NCK2: variants seen among roughly 807,000 people sequenced by gnomAD.
NCK2 encodes NCK adaptor protein 2.
A neutral mutation model predicts 33.9 loss-of-function variants in NCK2; 16 were observed. The observed-to-expected ratio is 0.47, with a 90% confidence interval of 0.32 to 0.72. NCK2 has a LOEUF of 0.72. NCK2 is among the 30% of genes least tolerant of loss of function. The pLI is 0.03. For synonymous variants in NCK2, 273 were observed against 239.9 expected (o/e 1.14, Z -1.27); for missense variants, 418 against 537.3 (o/e 0.78, Z 2.19).
At chr2:105,810,837 A>G (rs1675267535) in intron 1 of NCK2, among the ~76,000 whole-genome samples, 1 of 152,208 alleles carries the variant, frequency 6.6e-6, no homozygotes, top group South Asian at 2.1e-4. Flanking sequence ...TATATGTTAG[A>G]ATTTTTAGGC....
intron 2 of NCK2, among the ~76,000 whole-genome samples, chr2:105,818,936 C>A (rs1033013599): frequency 1.3e-5 from 2 of 152,058 alleles, no homozygotes; most frequent in African/African-American, 4.8e-5. Flanking sequence ...AGTTATGCCC[C>A]TTTGATGTGT....
chr2:105,849,240 A>G (rs147915352), intron 2 of NCK2, among the ~76,000 whole-genome samples: 8 of 152,308 alleles, frequency 5.3e-5, no homozygotes, highest in Admixed American at 2.0e-4. Flanking sequence ...ACAAAAAGTA[A>G]AAAACTAGCA....
intron 1 of NCK2, among the ~76,000 whole-genome samples, chr2:105,794,875 C>A (rs973711217): frequency 6.6e-6 from 1 of 152,050 alleles, no homozygotes; most frequent in Non-Finnish European, 1.5e-5. Flanking sequence ...GGTTCCGCAG[C>A]CAAAGATGGT....
At chr2:105,764,438 C>T (rs1027248523) in intron 1 of NCK2, among the ~76,000 whole-genome samples, 5 of 152,262 alleles carry the variant, frequency 3.3e-5, no homozygotes, top group African/African-American at 1.2e-4. Flanking sequence ...CTGCAGCCTG[C>T]TCTGCTTCGA....
chr2:105,811,146 G>C (rs1675280543), intron 1 of NCK2, among the ~76,000 whole-genome samples: 1 of 138,620 alleles, frequency 7.2e-6, no homozygotes. Context: ...CTGCACTCCA[G>C]CCTGGTGACA....
intron 4 of NCK2, among the ~76,000 whole-genome samples, chr2:105,884,423 G>A (rs892403299): frequency 1.3e-5 from 2 of 152,154 alleles, no homozygotes; most frequent in Non-Finnish European, 2.9e-5. Flanking sequence ...CTCCCTGCAG[G>A]ACTCAGTCAG....
At chr2:105,860,560 G>A (rs1199197758) in intron 3 of NCK2, among the ~76,000 whole-genome samples, 2 of 152,260 alleles carry the variant, frequency 1.3e-5, no homozygotes, top group South Asian at 2.1e-4. Context: ...CATGTAGTCA[G>A]AACCGCATGG....
chr2:105,817,285 A>G (rs1333481093), intron 2 of NCK2, among the ~76,000 whole-genome samples: 3 of 152,184 alleles, frequency 2.0e-5, no homozygotes, highest in Admixed American at 2.0e-4. Flanking sequence ...CAATAAAATC[A>G]TAACTGTGAT....
rs930794085 is a variant in NCK2, at chr2:105,748,570, T to TTTTTTA, written c.-201+3455_-201+3460dup. Among the ~76,000 whole-genome samples, 314 of 152,066 alleles carry TTTTTTA rather than the reference T, an allele frequency of 2.1e-3. 1 individual carries two copies. The highest frequency in any genetic ancestry group is 5.5e-3 in the African/African-American group (226 of 41,452). The stretch of plus-strand genomic sequence containing the variant: ...GTGTGCACCACCATGCTCAGTGAAT[T>TTTTTTA]TTTTTATTTTTATTTTTATTTTTAT... On this transcript the variant is annotated intron_variant, in intron 1 of 4. Coordinates refer to ENST00000233154, the MANE Select transcript of NCK2 (RefSeq NM_003581.5).
At chr2:105,859,840 G>A (rs1431700158) in intron 3 of NCK2, among the ~76,000 whole-genome samples, 1 of 152,246 alleles carries the variant, frequency 6.6e-6, no homozygotes, top group Non-Finnish European at 1.5e-5. Flanking sequence ...TGAAGGTACA[G>A]GGGCTTCTGT....
intron 4 of NCK2, among the ~76,000 whole-genome samples, chr2:105,891,663 A>G (rs1678992059): frequency 6.9e-6 from 1 of 145,052 alleles, no homozygotes; most frequent in Non-Finnish European, 1.5e-5. Flanking sequence ...CTCCTGCCTC[A>G]GCCTCCCAAG....
At chr2:105,873,522 C>T (rs1044935347) in intron 3 of NCK2, among the ~76,000 whole-genome samples, 5 of 152,172 alleles carry the variant, frequency 3.3e-5, no homozygotes, top group African/African-American at 1.2e-4. Flanking sequence ...ACCCTCACTC[C>T]CACACCCAAA....
chr2:105,867,539 C>T (rs528009134), intron 3 of NCK2, among the ~76,000 whole-genome samples: 1 of 152,240 alleles, frequency 6.6e-6, no homozygotes, highest in South Asian at 2.1e-4. Flanking sequence ...AAAATAGACA[C>T]GGATTGTCTA....
At chr2:105,829,615 C>T (rs1215438642) in intron 2 of NCK2, among the ~76,000 whole-genome samples, 1 of 152,086 alleles carries the variant, frequency 6.6e-6, no homozygotes, top group African/African-American at 2.4e-5. Flanking sequence ...TACAAAGTCC[C>T]CCAATTGAGA....
chr2:105,877,858 A>T (rs1260262831), intron 3 of NCK2, among the ~76,000 whole-genome samples: 1 of 152,102 alleles, frequency 6.6e-6, no homozygotes, highest in African/African-American at 2.4e-5. Flanking sequence ...CAATTCCTTT[A>T]CCTCCTGTAG....
intron 2 of NCK2, among the ~76,000 whole-genome samples, chr2:105,848,152 GCA>G: frequency 6.6e-6 from 1 of 152,320 alleles, no homozygotes; most frequent in East Asian, 1.9e-4. Context: ...CACTTGTCCA[GCA>G]CAGACTGAGT....
At chr2:105,747,273 A>G (rs1384963083) in intron 1 of NCK2, among the ~76,000 whole-genome samples, 1 of 152,208 alleles carries the variant, frequency 6.6e-6, no homozygotes, top group African/African-American at 2.4e-5. Flanking sequence ...ACAGTACTAT[A>G]TTTGAGAAAT....
At chr2:105,865,510 C>G (rs768093704) in intron 3 of NCK2, among the ~76,000 whole-genome samples, 1 of 152,096 alleles carries the variant, frequency 6.6e-6, no homozygotes, top group Non-Finnish European at 1.5e-5. Context: ...CGACTCCCAC[C>G]CACACGACTG....
Position 105,790,711 on chromosome 2 carries a change from T to G in NCK2, c.-200-25719T>G, listed in dbSNP as rs550607575. On this transcript the variant is annotated intron_variant, in intron 1 of 4. Coordinates refer to ENST00000233154, the MANE Select transcript of NCK2 (RefSeq NM_003581.5). ...GTTCTGGGCACCCCTAGGGGAGAAG[T>G]GTACATGGGTGGAGCTTGTCTTCAG... 2.6e-5 allele frequency among the ~76,000 whole-genome samples: 4 copies of G among 152,320 alleles called. No individual in the cohort carries two copies. The South Asian group carries it at 8.3e-4, about 32-fold the overall frequency.
Sources: allele counts gnomAD v4.1 joint callset (sites outside exome capture counted in the v4.1 genomes callset), GRCh38; gene constraint gnomAD v4.1.1; transcripts MANE v1.5; gene names NCBI Gene and HGNC (gene_info 2026-07-23, HGNC 2026-07-21).